The following RAP1A variants were observed in gnomAD, a reference collection of about 807,000 sequenced individuals.
RAP1A encodes ras-related protein Rap-1A.
Under a neutral mutation model 26.4 loss-of-function variants are expected in RAP1A, and 6 were observed. The ratio of observed to expected loss-of-function variants is 0.23; its 90% CI spans 0.12 to 0.45. RAP1A has a LOEUF of 0.45. Among genes scored for constraint, RAP1A ranks in the 20% least tolerant of loss-of-function variants. The pLI is 0.99. For synonymous variants in RAP1A, 73 were observed against 79.4 expected (o/e 0.92, Z 0.43); for missense variants, 121 against 217.2 (o/e 0.56, Z 2.78).
intron 1 of RAP1A, among the ~76,000 whole-genome samples, chr1:111,636,689 G>T (rs1258561134): frequency 5.3e-5 from 8 of 151,388 alleles, no homozygotes; most frequent in African/African-American, 2.0e-4. Flanking sequence ...CTCCATGTTG[G>T]TCAGGCTGAG....
intron 7 of RAP1A, among the ~76,000 whole-genome samples, chr1:111,711,045 T>C (rs1662369339): frequency 6.6e-6 from 1 of 152,192 alleles, no homozygotes; most frequent in Non-Finnish European, 1.5e-5. Context: ...TTGGCCTGGC[T>C]GGTCTCAAAC....
rs1662491596 is a variant in RAP1A at position 111,714,967 on chromosome 1, G to C, written c.*2566G>C. On this transcript the variant is annotated 3_prime_UTR_variant, in exon 8 of 8. Coordinates refer to ENST00000369709, the MANE Select transcript of RAP1A (RefSeq NM_002884.4). ...AGGAGGCTTCATGCCATAGTTCATA[G>C]TTTGCTCTAATGGCTTGGTGGTATC... 6.6e-6 allele frequency: 1 copy of C among 152,308 alleles called. No homozygotes were observed. Among genetic ancestry groups the C allele is most frequent in the Non-Finnish European group, 1.5e-5 (1 of 68,024 alleles). 9.4% of individuals were successfully genotyped at this position (152,308 alleles called of 1,614,324 possible).
At chr1:111,668,595 A>G (rs1660871298) in intron 1 of RAP1A, among the ~76,000 whole-genome samples, 1 of 152,224 alleles carries the variant, frequency 6.6e-6, no homozygotes, top group Non-Finnish European at 1.5e-5. Context: ...GTAAAGTAGT[A>G]GAACCAGGAT....
intron 1 of RAP1A, among the ~76,000 whole-genome samples, chr1:111,607,799 C>A (rs1472322728): frequency 1.6e-5 from 2 of 123,540 alleles, no homozygotes; most frequent in South Asian, 2.6e-4. Context: ...CCGGACGGGG[C>A]GGCTGGCCGG....
At chr1:111,632,478 T>C (rs889734032) in intron 1 of RAP1A, among the ~76,000 whole-genome samples, 1 of 152,072 alleles carries the variant, frequency 6.6e-6, no homozygotes, top group Non-Finnish European at 1.5e-5. Context: ...GAATTTACCA[T>C]AGGGGAATAA....
intron 4 of RAP1A, among the ~76,000 whole-genome samples, chr1:111,697,817 A>C (rs1661883231): frequency 1.3e-5 from 2 of 152,174 alleles, no homozygotes; most frequent in Admixed American, 6.5e-5. Context: ...GGTTTAAATA[A>C]GACCTTGTCT....
At chr1:111,559,434 T>C (rs1657643063) in intron 1 of RAP1A, among the ~76,000 whole-genome samples, 1 of 152,122 alleles carries the variant, frequency 6.6e-6, no homozygotes, top group South Asian at 2.1e-4. Flanking sequence ...CAAAACCAAA[T>C]ATGGAAGTCA....
At chr1:111,543,946 G>T (rs894332875) in intron 1 of RAP1A, among the ~76,000 whole-genome samples, 1 of 152,132 alleles carries the variant, frequency 6.6e-6, no homozygotes, top group African/African-American at 2.4e-5. Context: ...CATACTCCCA[G>T]TCCCTACTAG....
At chr1:111,584,857 C>T (rs1458264329) in intron 1 of RAP1A, among the ~76,000 whole-genome samples, 1 of 152,086 alleles carries the variant, frequency 6.6e-6, no homozygotes, top group Admixed American at 6.6e-5. Context: ...AGTTAAAATA[C>T]CAAACCTAGG....
intron 1 of RAP1A, among the ~76,000 whole-genome samples, chr1:111,641,407 A>G (rs893707832): frequency 6.6e-6 from 1 of 152,146 alleles, no homozygotes; most frequent in Non-Finnish European, 1.5e-5. Flanking sequence ...ATTAGATTTA[A>G]CTGGGAGCTT....
At chr1:111,583,376 A>G (rs982335617) in intron 1 of RAP1A, among the ~76,000 whole-genome samples, 12 of 151,868 alleles carry the variant, frequency 7.9e-5, no homozygotes, top group African/African-American at 2.7e-4. Context: ...AAGCTGAGGT[A>G]GGAGGATCAC....
At chr1:111,644,717 G>A (rs1044061179) in intron 1 of RAP1A, among the ~76,000 whole-genome samples, 3 of 152,166 alleles carry the variant, frequency 2.0e-5, no homozygotes, top group Non-Finnish European at 4.4e-5. Context: ...GCCAGATTAT[G>A]TAGAATGTTA....
chr1:111,703,754 A>G (rs1022954942), intron 5 of RAP1A, among the ~76,000 whole-genome samples: 3 of 152,244 alleles, frequency 2.0e-5, no homozygotes, highest in African/African-American at 7.2e-5. Flanking sequence ...ACTTCATAGA[A>G]GTGGGACCTG....
intron 1 of RAP1A, among the ~76,000 whole-genome samples, chr1:111,657,479 AT>A: frequency 6.6e-6 from 1 of 152,070 alleles, no homozygotes; most frequent in South Asian, 2.1e-4. Flanking sequence ...CAATTTATCT[AT>A]TTTTTTCTTT....
At chr1:111,708,274 A>G (rs1469845981) in intron 6 of RAP1A, among the ~76,000 whole-genome samples, 2 of 152,258 alleles carry the variant, frequency 1.3e-5, no homozygotes, top group Non-Finnish European at 2.9e-5. Context: ...ATTAACATCA[A>G]AAAAAGGCAA....
At chr1:111,694,546 C>T (rs1661771177) in intron 2 of RAP1A, among the ~76,000 whole-genome samples, 1 of 152,008 alleles carries the variant, frequency 6.6e-6, no homozygotes, top group Non-Finnish European at 1.5e-5. Context: ...TACGTATTTT[C>T]TAGTATGTGC....
Position 111,713,294 on chromosome 1 carries a change from A to T in RAP1A, c.*893A>T, listed in dbSNP as rs573936445. Reference sequence around the variant, plus strand: ...AGACCTCGCACTTTCTGTTCTAAATATATTTATTCCTACTATACAGTAAAA... The same window carrying T: ...AGACCTCGCACTTTCTGTTCTAAATTTATTTATTCCTACTATACAGTAAAA... On this transcript the variant is annotated 3_prime_UTR_variant, in exon 8 of 8. Transcript: ENST00000369709. The T allele has an allele frequency of 1.3e-5, 2 of 152,296 alleles. No individual in the cohort carries two copies. Among genetic ancestry groups the T allele is most frequent in the South Asian group, 4.1e-4 (2 of 4,832 alleles). The allele number at this position is 152,296 out of a possible 1,614,324, so 9.4% of individuals were successfully genotyped here.
chr1:111,603,654 C>A (rs967784501), intron 1 of RAP1A, among the ~76,000 whole-genome samples: 1 of 152,130 alleles, frequency 6.6e-6, no homozygotes, highest in South Asian at 2.1e-4. Flanking sequence ...CGGGGCATGA[C>A]CAGTTGTGTT....
upstream of RAP1A, among the ~76,000 whole-genome samples, chr1:111,619,208 G>A (rs1337518443): frequency 6.6e-6 from 1 of 152,218 alleles, no homozygotes; most frequent in Non-Finnish European, 1.5e-5. Flanking sequence ...TCCTCCTCCA[G>A]GCCCGCGTGT....
Sources: gnomAD v4.1 joint callset for allele counts (sites outside exome capture counted in the v4.1 genomes callset) on GRCh38, gnomAD v4.1.1 for gene constraint, MANE v1.5 for transcripts, NCBI Gene and HGNC (gene_info 2026-07-23, HGNC 2026-07-21) for gene names.